The following CDK14 variants were observed in gnomAD, a reference collection of about 807,000 sequenced individuals.
CDK14 encodes cyclin-dependent kinase 14.
In CDK14, 34 loss-of-function variants were observed where a neutral mutation model predicts 60.7. The observed-to-expected ratio is 0.56, with a 90% confidence interval of 0.43 to 0.75. CDK14 has a LOEUF of 0.75. Ranked by LOEUF, CDK14 falls within the 30% of genes least tolerant of loss-of-function variation. The pLI, the probability that CDK14 is intolerant of heterozygous loss-of-function variation, is 0.00. For synonymous variants in CDK14, 197 were observed against 203.7 expected (o/e 0.97, Z 0.28); for missense variants, 482 against 564.1 (o/e 0.85, Z 1.47).
At chr7:90,880,097 C>T (rs1296983813) in intron 6 of CDK14, among the ~76,000 whole-genome samples, 1 of 152,252 alleles carries the variant, frequency 6.6e-6, no homozygotes, top group Non-Finnish European at 1.5e-5. Flanking sequence ...ATGCGATCAG[C>T]ATTGGCTGCA....
At chr7:90,799,248 G>A (rs1320138460) in intron 5 of CDK14, among the ~76,000 whole-genome samples, 1 of 152,186 alleles carries the variant, frequency 6.6e-6, no homozygotes, top group East Asian at 1.9e-4. Context: ...TATTTGGTGT[G>A]TGCTTGCACA....
At chr7:90,699,849 A>G (rs1257998746) in intron 2 of CDK14, among the ~76,000 whole-genome samples, 1 of 152,146 alleles carries the variant, frequency 6.6e-6, no homozygotes, top group African/African-American at 2.4e-5. Flanking sequence ...ATCTTTCCTA[A>G]ATGATTAAGA....
Position 90,955,817 on chromosome 7 carries a change from G to T in CDK14, c.947G>T (p.Trp316Leu). ...GAATATTCCACCTGCCTTGACATGT[G>T]GTGAGAAATGGAAGCTTTACTCTAG... ...STEYSTCLDM[W>L]GVGCIFVEMI... Residue 316 changes from tryptophan to leucine, a missense_variant and splice_region_variant, in exon 9 of 15, where the codon TGG (tryptophan) becomes TTG (leucine). Transcript: ENST00000380050. 6.2e-7 allele frequency: 1 copy of T among 1,612,754 alleles called. No homozygotes were observed. Among genetic ancestry groups the T allele is most frequent in the Non-Finnish European group, 8.5e-7 (1 of 1,179,096 alleles).
chr7:90,890,462 T>C (rs1012630700), intron 6 of CDK14, among the ~76,000 whole-genome samples: 1 of 152,210 alleles, frequency 6.6e-6, no homozygotes, highest in African/African-American at 2.4e-5. Flanking sequence ...ACTTCCTCTG[T>C]TAAACACCCT....
chr7:91,027,155 C>G (rs530484972), intron 10 of CDK14, among the ~76,000 whole-genome samples: 1 of 152,264 alleles, frequency 6.6e-6, no homozygotes, highest in South Asian at 2.1e-4. Flanking sequence ...TTTCTAGATA[C>G]TGGAAAATAA....
chr7:90,975,983 T>C (rs1795060918), intron 9 of CDK14, among the ~76,000 whole-genome samples: 1 of 152,200 alleles, frequency 6.6e-6, no homozygotes, highest in African/African-American at 2.4e-5. Context: ...CTATTGTGAA[T>C]AGTTCTGCAG....
At chr7:91,004,710 T>C (rs563685701) in intron 10 of CDK14, among the ~76,000 whole-genome samples, 20 of 152,134 alleles carry the variant, frequency 1.3e-4, no homozygotes, top group Non-Finnish European at 2.6e-4. Flanking sequence ...GGTAAATTAA[T>C]ATTGAAATTA....
chr7:90,673,372 A>G (rs1315201155), intron 2 of CDK14, among the ~76,000 whole-genome samples: 1 of 152,176 alleles, frequency 6.6e-6, no homozygotes, highest in African/African-American at 2.4e-5. Flanking sequence ...GCATCACTTC[A>G]CAGATGTGGC....
At chr7:90,931,615 G>A (rs1793593177) in intron 8 of CDK14, among the ~76,000 whole-genome samples, 1 of 152,238 alleles carries the variant, frequency 6.6e-6, no homozygotes, top group African/African-American at 2.4e-5. Context: ...GAAGGGATAA[G>A]AGAGGAAAAC....
chr7:90,768,615 A>C (rs1804661842), intron 4 of CDK14, among the ~76,000 whole-genome samples: 1 of 152,176 alleles, frequency 6.6e-6, no homozygotes, highest in South Asian at 2.1e-4. Flanking sequence ...TCTTTTTTCG[A>C]ATATCCGATA....
chr7:90,739,149 C>T (rs968777348), intron 3 of CDK14, among the ~76,000 whole-genome samples: 2 of 152,150 alleles, frequency 1.3e-5, no homozygotes, highest in Admixed American at 6.5e-5. Flanking sequence ...TTGATTCTTC[C>T]TATGGAGTCA....
intron 10 of CDK14, among the ~76,000 whole-genome samples, chr7:91,042,003 G>A (rs1021773181): frequency 6.6e-6 from 1 of 152,154 alleles, no homozygotes; most frequent in African/African-American, 2.4e-5. Flanking sequence ...GTAGTGGTTA[G>A]GTTCTAAATA....
At chr7:91,178,860 G>T (rs1462617585) in intron 14 of CDK14, among the ~76,000 whole-genome samples, 10 of 151,896 alleles carry the variant, frequency 6.6e-5, no homozygotes, top group Non-Finnish European at 1.5e-4. Flanking sequence ...ACTGTTGATG[G>T]GACTGTAAAC....
At chr7:90,778,846 A>ACTTCCTT (rs1554335031) in intron 4 of CDK14, among the ~76,000 whole-genome samples, 1 of 127,864 alleles carries the variant, frequency 7.8e-6, no homozygotes, top group African/African-American at 3.1e-5. Context: ...AAATTGACCG[A>ACTTCCTT]CCTTCCTTCC....
At chr7:91,136,097 C>A (rs1432346130) in intron 14 of CDK14, among the ~76,000 whole-genome samples, 2 of 152,104 alleles carry the variant, frequency 1.3e-5, no homozygotes, top group Non-Finnish European at 1.5e-5. Flanking sequence ...TTTTCTGATA[C>A]AAAGTGTTTA....
chr7:91,123,667 T>A (rs1799852343), intron 14 of CDK14, among the ~76,000 whole-genome samples: 1 of 152,060 alleles, frequency 6.6e-6, no homozygotes, highest in African/African-American at 2.4e-5. Flanking sequence ...GTTCTATCCT[T>A]TAAACGCTAA....
intron 14 of CDK14, among the ~76,000 whole-genome samples, chr7:91,194,973 T>C (rs971992163): frequency 6.6e-6 from 1 of 152,218 alleles, no homozygotes; most frequent in South Asian, 2.1e-4. Flanking sequence ...CTGGCTCCTC[T>C]CACTGCATTC....
chr7:91,170,678 A>C (rs1232878236), intron 14 of CDK14, among the ~76,000 whole-genome samples: 2 of 152,226 alleles, frequency 1.3e-5, no homozygotes, highest in Non-Finnish European at 2.9e-5. Flanking sequence ...TACCAAATAA[A>C]AAGGAAAATA....
chr7:90,695,238 C>T (rs745733394), intron 2 of CDK14, among the ~76,000 whole-genome samples: 3 of 152,134 alleles, frequency 2.0e-5, no homozygotes, highest in Non-Finnish European at 2.9e-5. Context: ...ATATTTTCTA[C>T]CTCATTTATT....
Sources: allele counts gnomAD v4.1 joint callset (sites outside exome capture counted in the v4.1 genomes callset), GRCh38; gene constraint gnomAD v4.1.1; transcripts MANE v1.5; gene names NCBI Gene and HGNC (gene_info 2026-07-23, HGNC 2026-07-21).